TUBA1B: variants seen among roughly 807,000 people sequenced by gnomAD.
TUBA1B encodes tubulin alpha-1B chain.
A neutral mutation model predicts 34.4 loss-of-function variants in TUBA1B; 1 was observed. The observed-to-expected ratio is 0.03, with a 90% CI of 0.01 to 0.14. TUBA1B has a LOEUF of 0.14. Among genes scored for constraint, TUBA1B ranks in the 10% least tolerant of loss-of-function variants. The pLI is 1.00. For missense variants in TUBA1B, 54 were observed against 583.6 expected, an observed-to-expected ratio of 0.09 and a Z score of 9.35; for synonymous variants, 197 against 212.5, an observed-to-expected ratio of 0.93 and a Z score of 0.64.
chr12:49,129,742 T>C lies in TUBA1B; in HGVS notation c.4-20A>G, dbSNP rs200832527. 5.5e-6 allele frequency: 4 copies of C among 724,454 alleles called. No homozygotes were observed. Among genetic ancestry groups the C allele is most frequent in the Non-Finnish European group, 5.6e-6 (3 of 532,440 alleles). 44.9% of individuals were successfully genotyped at this position (724,454 alleles called of 1,614,324 possible). A position where few individuals can be genotyped will look rare whatever the true frequency, so the allele number is the denominator to read the frequency against. On this transcript the variant is annotated intron_variant, in intron 1 of 3. Transcript: ENST00000336023. ...CTCACGCTGCGGGAAGGAAAAAAGA[T>C]ATCACAATTTAAACCAATCTATTGA...
At chr12:49,130,372 CG>C in intron 1 of TUBA1B, 1 of 1,288,734 alleles carries the variant, frequency 7.8e-7, no homozygotes. Flanking sequence ...TGAGCAATTC[CG>C]GGCGCGCGCT....
At position 49,129,314 on chromosome 12, in the gene TUBA1B, A is replaced by G. The variant is rs1324717169; in HGVS notation, c.303T>C (p.Asn101=). 1 of 1,614,118 alleles carries G rather than the reference A, an allele frequency of 6.2e-7. No individual in the cohort carries two copies. Among genetic ancestry groups the G allele is most frequent in the East Asian group, 2.2e-5 (1 of 44,898 alleles). The change falls in exon 3 of 4, where the codon AAT becomes AAC. Residue 101 remains asparagine, a synonymous_variant. Coordinates refer to ENST00000336023, the MANE Select transcript of TUBA1B (RefSeq NM_006082.3). ...QLITGKEDAA[N]NYARGHYTIG... is the part of the protein sequence containing the mutation. Reference sequence around the variant, plus strand: ...TGGTGTAGTGCCCTCGGGCATAGTTATTGGCAGCATCTTCCTTGCCTGTGA... The same window carrying G: ...TGGTGTAGTGCCCTCGGGCATAGTTGTTGGCAGCATCTTCCTTGCCTGTGA...
At chr12:49,130,314 ATG>A (rs747202982) in intron 1 of TUBA1B, 36 of 1,289,190 alleles carry the variant, frequency 2.8e-5, no homozygotes, top group Non-Finnish European at 3.6e-5. Context: ...CGCAGAAGAA[ATG>A]TCTGTCCGCA....
intron 1 of TUBA1B, chr12:49,130,054 T>G: frequency 1.7e-6 from 2 of 1,180,012 alleles, no homozygotes. Flanking sequence ...AAAGATCCTT[T>G]TCTAAGATGT....
At position 49,131,394 on chromosome 12, in the gene TUBA1B, C is replaced by G. The variant is rs994473907; in HGVS notation, c.-94G>C. Reference sequence around the variant, plus strand: ...GCTAAGAGTCGAGGTAAGTAACGCACTAGGGCGGGGCCGGCGCTGGAGCCT... The same window carrying G: ...GCTAAGAGTCGAGGTAAGTAACGCAGTAGGGCGGGGCCGGCGCTGGAGCCT... On this transcript the variant is annotated 5_prime_UTR_variant, in exon 1 of 4. Transcript: ENST00000336023. The G allele has an allele frequency of 1.1e-5, 16 of 1,491,876 alleles. No homozygotes were observed. The highest frequency in any genetic ancestry group is 2.1e-4 in the Middle Eastern group (1 of 4,828). The allele number at this position is 1,491,876 out of a possible 1,614,324, so 92.4% of individuals were successfully genotyped here. A position where few individuals can be genotyped will look rare whatever the true frequency, so the allele number is the denominator to read the frequency against.
chr12:49,129,812 TAG>T (rs1941780731), intron 1 of TUBA1B, 90 bp from the exon 2 acceptor site: 2 of 1,572,026 alleles, frequency 1.3e-6, no homozygotes, highest in African/African-American at 2.7e-5. Context: ...TTTATTTTTT[TAG>T]AGATAAGGTC....
chr12:49,130,097 C>G (rs1941784517), intron 1 of TUBA1B: 5 of 1,199,800 alleles, frequency 4.2e-6, no homozygotes, highest in Middle Eastern at 2.6e-4. Context: ...CTATAGTCTA[C>G]GTTGCTTTTA....
Position 49,129,998 on chromosome 12 carries a change from T to C in TUBA1B, c.4-276A>G, listed in dbSNP as rs1365238575. 4 of 1,033,366 alleles carry C rather than the reference T, an allele frequency of 3.9e-6. No individual in the cohort carries two copies. In the African/African-American group the frequency reaches 6.5e-5, roughly 17 times the overall value. 64.0% of individuals were successfully genotyped at this position (1,033,366 alleles called of 1,614,324 possible). A position where few individuals can be genotyped will look rare whatever the true frequency, so the allele number is the denominator to read the frequency against. ...GGTCTGGCTGTGTTACCTAGGCTAC[T>C]CACGTAATCTGAAAACGAATTTCCT... On this transcript the variant is annotated intron_variant, in intron 1 of 3. Coordinates refer to ENST00000336023, the MANE Select transcript of TUBA1B (RefSeq NM_006082.3).
At chr12:49,130,321 T>C in intron 1 of TUBA1B, 2 of 1,289,192 alleles carry the variant, frequency 1.6e-6, no homozygotes, top group African/African-American at 3.0e-5. Context: ...GAAATGTCTG[T>C]CCGCAGGGAC....
intron 1 of TUBA1B, chr12:49,131,019 C>T: frequency 4.7e-6 from 2 of 426,726 alleles, no homozygotes; most frequent in South Asian, 5.6e-5. Context: ...AGTTACGCGA[C>T]AAAAGAGAGC....
chr12:49,130,221 G>C (rs767031175), intron 1 of TUBA1B: 1 of 1,282,928 alleles, frequency 7.8e-7, no homozygotes, highest in South Asian at 1.2e-5. Flanking sequence ...TCCATCCAGC[G>C]CTCAGGCCCC....
rs753220680 is a variant in TUBA1B at position 49,127,948 on chromosome 12, G to A, written c.*10C>T. On this transcript the variant is annotated 3_prime_UTR_variant, in exon 4 of 4. Coordinates refer to ENST00000336023, the MANE Select transcript of TUBA1B (RefSeq NM_006082.3). ...GCATGACATGCTGCAGGGCCAAAAGGAATGGATAATTAGTATTCCTCTCCT... is the reference window on the plus strand; with the variant it reads ...GCATGACATGCTGCAGGGCCAAAAGAAATGGATAATTAGTATTCCTCTCCT... The A allele has an allele frequency of 1.9e-6, 3 of 1,613,996 alleles. No homozygotes were observed. The Admixed American group carries it at 5.0e-5, about 27-fold the overall frequency.
chr12:49,130,348 C>G, intron 1 of TUBA1B: 1 of 1,289,206 alleles, frequency 7.8e-7, no homozygotes, highest in Non-Finnish European at 1.0e-6. Context: ...CGGGGCTCTG[C>G]GGCACAGGAT....
intron 1 of TUBA1B, chr12:49,130,703 C>G (rs1941793793): frequency 5.1e-6 from 1 of 195,410 alleles, no homozygotes; most frequent in Non-Finnish European, 1.1e-5. Flanking sequence ...GGAGCTCTTC[C>G]GCAGTCCTCT....
chr12:49,129,558 C>A lies in TUBA1B; in HGVS notation c.168G>T (p.Thr56=), dbSNP rs368098763. ...DDSFNTFFSE[T]GAGKHVPRAV... ...CCCGGGGCACGTGCTTGCCAGCGCC[C>A]GTCTCACTGAAGAAGGTGTTGAAGG... Residue 56 remains threonine (T), a synonymous_variant, in exon 2 of 4, where the codon ACG becomes ACT. Coordinates refer to ENST00000336023, the MANE Select transcript of TUBA1B (RefSeq NM_006082.3). 6.2e-7 allele frequency: 1 copy of A among 1,614,182 alleles called. No homozygotes were observed. The highest frequency in any genetic ancestry group is 8.5e-7 in the Non-Finnish European group (1 of 1,180,030).
At chr12:49,131,088 T>A (rs2121169494) in intron 1 of TUBA1B, 1 of 542,362 alleles carries the variant, frequency 1.8e-6, no homozygotes, top group African/African-American at 1.9e-5. Context: ...CGAGAAGAAA[T>A]CCTGGCGCCC....
Position 49,127,835 on chromosome 12 carries a change from A to G in TUBA1B, c.*123T>C. The G allele has an allele frequency of 7.0e-7, 1 of 1,419,050 alleles. No homozygotes were observed. The highest frequency in any genetic ancestry group is 9.7e-7 in the Non-Finnish European group (1 of 1,031,128). 87.9% of individuals were successfully genotyped at this position (1,419,050 alleles called of 1,614,324 possible). A position where few individuals can be genotyped will look rare whatever the true frequency, so the allele number is the denominator to read the frequency against. Reference sequence around the variant, plus strand: ...TATGATGGAAAAATATTACAGGTACACATGGAAAAGACATGATCACCAAGT... The same window carrying G: ...TATGATGGAAAAATATTACAGGTACGCATGGAAAAGACATGATCACCAAGT... On this transcript the variant is annotated 3_prime_UTR_variant, in exon 4 of 4. Transcript: ENST00000336023.
chr12:49,131,031 C>T, intron 1 of TUBA1B: 2 of 450,010 alleles, frequency 4.4e-6, no homozygotes, highest in South Asian at 5.3e-5. Flanking sequence ...AAAGAGAGCT[C>T]CGGATACGGC....
At chr12:49,130,318 CT>C in intron 1 of TUBA1B, 1 of 1,289,228 alleles carries the variant, frequency 7.8e-7, no homozygotes, top group Non-Finnish European at 1.0e-6. Flanking sequence ...GAAGAAATGT[CT>C]GTCCGCAGGG....
Sources: gnomAD v4.1 joint callset for allele counts on GRCh38, gnomAD v4.1.1 for gene constraint, MANE v1.5 for transcripts, NCBI Gene and HGNC (gene_info 2026-07-23, HGNC 2026-07-21) for gene names.